Variants in NHSL2 observed in about 807,000 individuals in gnomAD.
NHSL2 encodes NHS-like protein 2.
NHSL2 carries 27 observed loss-of-function variants against 53.4 expected under a neutral mutation model. The ratio of observed to expected loss-of-function variants is 0.51; its 90% CI spans 0.37 to 0.70. The LOEUF (loss-of-function observed/expected upper bound fraction) is 0.70, where lower values mean the gene tolerates loss of function less well. Among genes scored for constraint, NHSL2 ranks in the 30% least tolerant of loss-of-function variants. The pLI is 0.00. For missense variants in NHSL2, 892 were observed against 980.1 expected (o/e 0.91, Z 1.20); for synonymous variants, 408 against 404.1 (o/e 1.01, Z -0.12).
intron 1 of NHSL2, among the ~76,000 whole-genome samples, chrX:71,975,588 C>G (rs1016997335): frequency 8.1e-5 from 9 of 111,453 alleles, no homozygotes; most frequent in Admixed American, 4.8e-4. Flanking sequence ...ATTCCCTGCC[C>G]CTTCCCCTGG....
intron 1 of NHSL2, among the ~76,000 whole-genome samples, chrX:71,964,012 T>TGTATATACATATAC (rs1569467091): frequency 4.4e-4 from 1 of 2,270 alleles, no homozygotes; most frequent in Non-Finnish European, 3.9e-3. Context: ...TATATATATG[T>TGTATATACATATAC]ATATATATAT....
At chrX:72,069,222 C>A (rs1371883862) in intron 1 of NHSL2, among the ~76,000 whole-genome samples, 4 of 111,887 alleles carry the variant, frequency 3.6e-5, no homozygotes, top group Non-Finnish European at 7.5e-5. Flanking sequence ...GCACTGAGAG[C>A]AGAGACAGCC....
chrX:72,003,063 C>T (rs1371252045), intron 1 of NHSL2, among the ~76,000 whole-genome samples: 2 of 109,376 alleles, frequency 1.8e-5, no homozygotes, highest in South Asian at 4.0e-4. Flanking sequence ...ACGTGTGGTG[C>T]GGGATGGGAA....
intron 6 of NHSL2, 87 bp downstream of exon 6, chrX:72,140,858 C>T: frequency 1.3e-6 from 1 of 794,563 alleles, no homozygotes; most frequent in South Asian, 2.7e-5. Context: ...GCAGATGCCC[C>T]AGAATAATTA....
chrX:71,932,671 G>A (rs2041719456), intron 1 of NHSL2, among the ~76,000 whole-genome samples: 1 of 111,990 alleles, frequency 8.9e-6, no homozygotes, highest in Non-Finnish European at 1.9e-5. Flanking sequence ...GTTGGCAGGG[G>A]TGGTCTTCAC....
At chrX:72,110,532 C>A (rs996659016) in intron 1 of NHSL2, among the ~76,000 whole-genome samples, 1 of 109,512 alleles carries the variant, frequency 9.1e-6, no homozygotes, top group Non-Finnish European at 1.9e-5. Context: ...ATGTTTGCAA[C>A]CCTTTCCCCT....
At chrX:72,074,184 T>C (rs1389525410) in intron 1 of NHSL2, among the ~76,000 whole-genome samples, 1 of 112,353 alleles carries the variant, frequency 8.9e-6, no homozygotes, top group Non-Finnish European at 1.9e-5. Context: ...TGCTTCAGGA[T>C]GAAAATGAGT....
chrX:71,954,588 T>C (rs1464485598), intron 1 of NHSL2, among the ~76,000 whole-genome samples: 1 of 112,270 alleles, frequency 8.9e-6, no homozygotes, highest in Non-Finnish European at 1.9e-5. Context: ...CCCAGTTGGC[T>C]GTCAGGATGT....
At chrX:71,962,461 T>A (rs971828199) in intron 1 of NHSL2, among the ~76,000 whole-genome samples, 1 of 111,245 alleles carries the variant, frequency 9.0e-6, no homozygotes, top group Admixed American at 9.6e-5. Context: ...TATTGGGAGA[T>A]TTTTTTATTA....
intron 1 of NHSL2, among the ~76,000 whole-genome samples, chrX:71,980,161 G>A (rs1440976276): frequency 2.7e-5 from 3 of 111,720 alleles, no homozygotes; most frequent in Admixed American, 9.4e-5. Context: ...TTTGGTTACT[G>A]TAGCCTTGTA....
At chrX:72,019,068 G>A (rs925334760) in intron 1 of NHSL2, among the ~76,000 whole-genome samples, 11 of 112,366 alleles carry the variant, frequency 9.8e-5, no homozygotes, top group African/African-American at 3.6e-4. Flanking sequence ...ACTCTCGCCA[G>A]AGAGGATCTG....
At chrX:72,074,036 A>C (rs1216473127) in intron 1 of NHSL2, among the ~76,000 whole-genome samples, 1 of 112,502 alleles carries the variant, frequency 8.9e-6, no homozygotes, top group African/African-American at 3.2e-5. Flanking sequence ...GTAATAAGAA[A>C]GTAGAGGATT....
At chrX:72,063,938 C>T (rs904952049) in intron 1 of NHSL2, among the ~76,000 whole-genome samples, 34 of 110,589 alleles carry the variant, frequency 3.1e-4, no homozygotes, top group Non-Finnish European at 5.3e-4. Context: ...GAGGTGAAGT[C>T]GATTCTGGCT....
intron 1 of NHSL2, among the ~76,000 whole-genome samples, chrX:72,025,508 T>A (rs189309354): frequency 8.9e-6 from 1 of 112,578 alleles, no homozygotes; most frequent in Non-Finnish European, 1.9e-5. Flanking sequence ...GGAAGCCTTG[T>A]CTACAGTCAC....
At position 72,106,251 on chromosome X, in the gene NHSL2, T is replaced by TACACACACAC. The variant is rs148976162; in HGVS notation, c.281-25814_281-25805dup. ...TGAATTCATTCATTCATTCCCTCATTACACACACACACACACACACACATA... is the reference window on the plus strand; with the variant it reads ...TGAATTCATTCATTCATTCCCTCATTACACACACACACACACACACACACACACACACATA... On this transcript the variant is annotated intron_variant, in intron 1 of 7. Coordinates refer to ENST00000633930, the MANE Select transcript of NHSL2 (RefSeq NM_001013627.3). Among the ~76,000 whole-genome samples the TACACACACAC allele has an allele frequency of 3.8e-5, 4 of 105,985 alleles. No individual in the cohort carries two copies. The East Asian group carries it at 1.2e-3, about 31-fold the overall frequency. The allele number at this position is 105,985 out of a possible 115,157, so 92.0% of individuals were successfully genotyped here. A position where few individuals can be genotyped will look rare whatever the true frequency, so the allele number is the denominator to read the frequency against.
intron 2 of NHSL2, 23 bp from the exon 3 acceptor site, chrX:72,134,068 G>A: frequency 8.6e-7 from 1 of 1,165,487 alleles, no homozygotes; most frequent in Non-Finnish European, 1.1e-6. Flanking sequence ...TAGAGTGTGT[G>A]TCTCCACTGT....
At chrX:71,969,339 G>A (rs1383383762) in intron 1 of NHSL2, among the ~76,000 whole-genome samples, 2 of 81,638 alleles carry the variant, frequency 2.4e-5, no homozygotes, top group Non-Finnish European at 4.4e-5. Context: ...TTTTGAGACA[G>A]TCTCGCTCTG....
intron 1 of NHSL2, among the ~76,000 whole-genome samples, chrX:71,937,349 C>T (rs773480478): frequency 9.0e-6 from 1 of 111,421 alleles, no homozygotes; most frequent in East Asian, 2.8e-4. Context: ...AGAGTCAAAG[C>T]GTCACCAGGA....
rs780664125 is a variant in NHSL2 at position 71,935,468 on chromosome X, C to CT, written c.280+24102dup. On this transcript the variant is annotated intron_variant, in intron 1 of 7. Transcript: ENST00000633930. The stretch of plus-strand genomic sequence containing the variant: ...TGTGGCTGTTAAGTGCAATTGCTAA[C>CT]TAAATGTGTAGCCTGTTGCCTAGGC... Among the ~76,000 whole-genome samples, 98 of 113,125 alleles carry CT rather than the reference C, an allele frequency of 8.7e-4. 1 individual carries two copies. Among genetic ancestry groups the CT allele is most frequent in the Non-Finnish European group, 1.5e-3 (78 of 53,400 alleles).
Sources: allele counts gnomAD v4.1 joint callset (sites outside exome capture counted in the v4.1 genomes callset), GRCh38; gene constraint gnomAD v4.1.1; transcripts MANE v1.5; gene names NCBI Gene and HGNC (gene_info 2026-07-23, HGNC 2026-07-21).